Variants in GLI3 observed in about 807,000 individuals in gnomAD.
GLI3 encodes transcription activator GLI3.
Under a neutral mutation model 100.8 loss-of-function variants are expected in GLI3, and 20 were observed. The ratio of observed to expected loss-of-function variants is 0.20; its 90% confidence interval spans 0.14 to 0.29. The LOEUF is 0.29. Among genes scored for constraint, GLI3 ranks in the 10% least tolerant of loss-of-function variants. GLI3 has a pLI of 1.00. For missense variants in GLI3, 2,040 were observed against 2,128.5 expected (o/e 0.96, Z 0.82); for synonymous variants, 938 against 860.5 (o/e 1.09, Z -1.58).
chr7:42,002,137 A>T (rs887414814), intron 10 of GLI3, among the ~76,000 whole-genome samples: 1 of 152,162 alleles, frequency 6.6e-6, no homozygotes, highest in Non-Finnish European at 1.5e-5. Flanking sequence ...AAAAATTCAC[A>T]TTCAAAATAA....
At chr7:42,254,558 C>T (rs142538228) in intron 1 of GLI3, among the ~76,000 whole-genome samples, 2 of 152,160 alleles carry the variant, frequency 1.3e-5, no homozygotes, top group African/African-American at 2.4e-5. Context: ...ATTATATGGC[C>T]TACATAGCCT....
intron 2 of GLI3, among the ~76,000 whole-genome samples, chr7:42,155,687 A>C (rs1030231448): frequency 1.4e-4 from 21 of 152,144 alleles, no homozygotes; most frequent in African/African-American, 4.8e-4. Context: ...ACTTCAAAAG[A>C]GGTCCCTGGG....
chr7:42,181,229 A>T (rs997541892), intron 2 of GLI3, among the ~76,000 whole-genome samples: 1 of 152,188 alleles, frequency 6.6e-6, no homozygotes, highest in African/African-American at 2.4e-5. Context: ...CTACACTAAA[A>T]ATATTACTGC....
chr7:42,081,626 A>G (rs533361071), intron 3 of GLI3, among the ~76,000 whole-genome samples: 6 of 152,312 alleles, frequency 3.9e-5, no homozygotes, highest in African/African-American at 1.4e-4. Context: ...GTAGCCAGAG[A>G]ATAACCGAGA....
chr7:42,000,456 C>T (rs1442857943), intron 10 of GLI3, among the ~76,000 whole-genome samples: 1 of 152,134 alleles, frequency 6.6e-6, no homozygotes, highest in African/African-American at 2.4e-5. Context: ...TATTTTTGTA[C>T]ACCTTGCACA....
At chr7:42,015,709 T>G (rs971827552) in intron 10 of GLI3, among the ~76,000 whole-genome samples, 7 of 151,788 alleles carry the variant, frequency 4.6e-5, no homozygotes, top group African/African-American at 1.7e-4. Context: ...AATGTGGTTT[T>G]TAAATTAAGC....
At chr7:42,171,342 G>T (rs1787368962) in intron 2 of GLI3, among the ~76,000 whole-genome samples, 1 of 152,100 alleles carries the variant, frequency 6.6e-6, no homozygotes. Context: ...AGAGAACTAA[G>T]GAGATAATAG....
chr7:42,201,114 G>A (rs183766727), intron 2 of GLI3, among the ~76,000 whole-genome samples: 7 of 152,114 alleles, frequency 4.6e-5, no homozygotes, highest in Non-Finnish European at 1.0e-4. Context: ...TTAGTCTATC[G>A]ATTAGGCACA....
intron 3 of GLI3, among the ~76,000 whole-genome samples, chr7:42,142,268 G>A (rs551630676): frequency 6.6e-6 from 1 of 152,252 alleles, no homozygotes; most frequent in African/African-American, 2.4e-5. Flanking sequence ...TACAAGCAGG[G>A]CAACAAGGGC....
intron 3 of GLI3, among the ~76,000 whole-genome samples, chr7:42,086,287 T>C (rs1785100006): frequency 6.6e-6 from 1 of 152,150 alleles, no homozygotes; most frequent in Admixed American, 6.5e-5. Context: ...TTCTCCAGTG[T>C]TACAGGGGGA....
rs141750279 is a variant in GLI3 at position 42,111,021 on chromosome 7, G to A, written c.368-34164C>T. On this transcript the variant is annotated intron_variant, in intron 3 of 14. Transcript: ENST00000395925. ...CCACTAGAGATGCAAACTCTGGAAG[G>A]CTATTCATCTTCTGTAAGCCTCAAT... Among the ~76,000 whole-genome samples the A allele has an allele frequency of 2.7e-4, 41 of 152,302 alleles. 1 individual carries two copies. In the East Asian group the frequency reaches 7.9e-3, roughly 29 times the overall value.
chr7:42,216,975 G>C (rs930225046), intron 2 of GLI3, among the ~76,000 whole-genome samples: 6 of 152,196 alleles, frequency 3.9e-5, no homozygotes, highest in African/African-American at 1.4e-4. Context: ...TATTCTACAA[G>C]TAGCTGGGAG....
At chr7:42,061,666 A>G (rs1784572306) in intron 4 of GLI3, among the ~76,000 whole-genome samples, 1 of 152,184 alleles carries the variant, frequency 6.6e-6, no homozygotes, top group Non-Finnish European at 1.5e-5. Context: ...TTTATGTCCT[A>G]AGCATACTTC....
At chr7:41,989,338 A>C (rs1787920901) in intron 10 of GLI3, among the ~76,000 whole-genome samples, 1 of 152,224 alleles carries the variant, frequency 6.6e-6, no homozygotes, top group East Asian at 1.9e-4. Flanking sequence ...AAATCCAGCA[A>C]ACATGGTAAG....
chr7:42,148,914 G>C (rs957145035), intron 2 of GLI3, among the ~76,000 whole-genome samples: 50 of 152,198 alleles, frequency 3.3e-4, no homozygotes, highest in African/African-American at 1.2e-3. Context: ...AGTCCTTCCA[G>C]CTACCCACTG....
chr7:41,965,173 C>T lies in GLI3; in HGVS notation c.3900G>A (p.Ala1300=), dbSNP rs559754489. ...CCATGCTGCCAGCTGACTCATTTGG[C>T]GCTACCGGCAGGCCGAAATTCAGCT... ...GGQLNFGLPV[A]PNESAGSMVN... The change falls in exon 15 of 15, where the codon GCG becomes GCA. Residue 1300 remains alanine (A), a synonymous_variant. Coordinates refer to ENST00000395925, the MANE Select transcript of GLI3 (RefSeq NM_000168.6). 43 of 1,613,928 alleles carry T rather than the reference C, an allele frequency of 2.7e-5. No homozygotes were observed. The highest frequency in any genetic ancestry group is 1.9e-4 in the African/African-American group (14 of 75,054).
Position 41,983,574 on chromosome 7 carries a change from T to C in GLI3, c.1498-4826A>G, listed in dbSNP as rs141322222. Among the ~76,000 whole-genome samples the C allele has an allele frequency of 2.4e-3, 364 of 152,296 alleles. 1 individual carries two copies. Among genetic ancestry groups the C allele is most frequent in the Non-Finnish European group, 4.2e-3 (283 of 68,016 alleles). On this transcript the variant is annotated intron_variant, in intron 10 of 14. Coordinates refer to ENST00000395925, the MANE Select transcript of GLI3 (RefSeq NM_000168.6). Reference sequence around the variant, plus strand: ...CAGCAGTGAAAACGTTAATCAAATATATAAATAATTTAATTGGAGGGAAAA... The same window carrying C: ...CAGCAGTGAAAACGTTAATCAAATACATAAATAATTTAATTGGAGGGAAAA...
intron 2 of GLI3, among the ~76,000 whole-genome samples, chr7:42,153,167 C>A (rs1786916567): frequency 6.6e-6 from 1 of 152,294 alleles, no homozygotes. Flanking sequence ...AGGTTGAAAG[C>A]AAGCTCTTTC....
At chr7:42,236,032 AGCGCCTCTCGGGGGACG>A (rs1195624245) in intron 1 of GLI3, among the ~76,000 whole-genome samples, 1 of 149,498 alleles carries the variant, frequency 6.7e-6, no homozygotes, top group Admixed American at 6.7e-5. Flanking sequence ...CCTGGGGTGC[AGCGCCTCTCGGGGGACG>A]GCATCTTACA....
Sources: gnomAD v4.1 joint callset for allele counts (sites outside exome capture counted in the v4.1 genomes callset) on GRCh38, gnomAD v4.1.1 for gene constraint, MANE v1.5 for transcripts, NCBI Gene and HGNC (gene_info 2026-07-23, HGNC 2026-07-21) for gene names.